The following ARHGAP32 variants were observed in gnomAD, a reference collection of about 807,000 sequenced individuals.
The protein encoded by ARHGAP32 is Rho GTPase activating protein 32, also known as rho GTPase-activating protein 32.
Under a neutral mutation model 186.5 loss-of-function variants are expected in ARHGAP32, and 51 were observed. That is an observed-to-expected ratio of 0.27 (90% CI 0.22 to 0.35). The LOEUF (loss-of-function observed/expected upper bound fraction) is 0.35. ARHGAP32 is among the 10% of genes least tolerant of loss of function. The pLI, the probability that ARHGAP32 is intolerant of heterozygous loss-of-function variation, is 1.00. For missense variants in ARHGAP32, 2,186 were observed against 2,623.5 expected, an observed-to-expected ratio of 0.83 and a Z score of 3.64; for synonymous variants, 950 against 964.3, an observed-to-expected ratio of 0.99 and a Z score of 0.27.
At chr11:129,030,884 G>A (rs886909913) in intron 11 of ARHGAP32, among the ~76,000 whole-genome samples, 9 of 152,296 alleles carry the variant, frequency 5.9e-5, no homozygotes, top group East Asian at 5.8e-4. Context: ...GTGAATACTC[G>A]TGAGATCTGG....
At chr11:129,009,022 A>AT (rs1937936655) in intron 11 of ARHGAP32, among the ~76,000 whole-genome samples, 1 of 152,242 alleles carries the variant, frequency 6.6e-6, no homozygotes, top group Admixed American at 6.5e-5. Flanking sequence ...CTTTAAAATA[A>AT]TTTTGACAAG....
intron 1 of ARHGAP32, among the ~76,000 whole-genome samples, chr11:129,251,264 T>G (rs943388865): frequency 5.3e-5 from 8 of 152,192 alleles, no homozygotes; most frequent in African/African-American, 1.9e-4. Flanking sequence ...TGAAATACGA[T>G]GTGCTCCAAA....
intron 15 of ARHGAP32, among the ~76,000 whole-genome samples, chr11:128,982,299 G>A (rs1201226218): frequency 6.6e-6 from 1 of 152,066 alleles, no homozygotes; most frequent in Non-Finnish European, 1.5e-5. Context: ...TTGAGCAAAG[G>A]ATATGCTTTT....
rs151158915 is a variant in ARHGAP32, at chr11:128,985,815, A to AGT, written c.1526+186_1526+187dup. The AGT allele has an allele frequency of 2.7e-3, 496 of 186,792 alleles. 2 individuals carry two copies. The highest frequency in any genetic ancestry group is 2.8e-3 in the Non-Finnish European group (285 of 100,688). 11.6% of individuals were successfully genotyped at this position (186,792 alleles called of 1,614,324 possible). ...TATACATATAGGTACACATACATAT[A>AGT]GTGTGTGTGTGTGTGCGTGTGTGTG... On this transcript the variant is annotated intron_variant, in intron 15 of 22. Coordinates refer to ENST00000682385, the MANE Select transcript of ARHGAP32 (RefSeq NM_001378024.1).
At chr11:129,255,638 C>T (rs1170256563) in intron 1 of ARHGAP32, among the ~76,000 whole-genome samples, 1 of 151,946 alleles carries the variant, frequency 6.6e-6, no homozygotes, top group African/African-American at 2.4e-5. Flanking sequence ...TGACAAAAAA[C>T]TAGTAGTCAG....
chr11:129,043,123 A>G (rs1360686044), intron 10 of ARHGAP32, among the ~76,000 whole-genome samples: 1 of 152,214 alleles, frequency 6.6e-6, no homozygotes, highest in Admixed American at 6.5e-5. Context: ...GTAACAATGT[A>G]CAAATATCTG....
chr11:129,278,140 C>T (rs1184112812), intron 1 of ARHGAP32, among the ~76,000 whole-genome samples: 1 of 152,198 alleles, frequency 6.6e-6, no homozygotes, highest in African/African-American at 2.4e-5. Flanking sequence ...TATCCCCATT[C>T]AGACTGACTT....
intron 1 of ARHGAP32, among the ~76,000 whole-genome samples, chr11:129,214,762 A>G (rs1054841116): frequency 6.6e-6 from 1 of 152,238 alleles, no homozygotes; most frequent in African/African-American, 2.4e-5. Flanking sequence ...TGACAAGAGC[A>G]CTAGGTACGG....
intron 2 of ARHGAP32, among the ~76,000 whole-genome samples, chr11:129,127,804 CTT>C (rs1942698394): frequency 6.6e-6 from 1 of 151,958 alleles, no homozygotes; most frequent in African/African-American, 2.4e-5. Context: ...ATAATTATCA[CTT>C]AATTATGCTT....
intron 1 of ARHGAP32, among the ~76,000 whole-genome samples, chr11:129,258,400 C>T (rs1011083062): frequency 3.9e-5 from 6 of 152,156 alleles, no homozygotes; most frequent in Non-Finnish European, 7.3e-5. Context: ...GATTCCTTCT[C>T]GTTTCCTTTA....
At chr11:128,999,597 G>A (rs771498997) in intron 11 of ARHGAP32, among the ~76,000 whole-genome samples, 6 of 152,062 alleles carry the variant, frequency 3.9e-5, no homozygotes, top group Non-Finnish European at 7.4e-5. Context: ...GGAGCATCAC[G>A]GAACCTGCCG....
chr11:128,969,388 GCATATTTTACTC>G lies in ARHGAP32; in HGVS notation c.5813_5824del (p.Gly1938_Tyr1941del). On this transcript the variant is annotated inframe_deletion, in exon 23 of 23. Transcript: ENST00000682385. This position sits in a 1 kb window ranked among gnomAD's most constrained non-coding sequence, Gnocchi z 4.8. ...TCTTAAAGATTCTTGCCCGGATGCA[GCATATTTTACTC>G]CAGAGTTGTGGTAGCTGACTGGCTC... is the stretch of plus-strand genomic sequence containing the variant. The G allele has an allele frequency of 3.1e-6, 5 of 1,614,234 alleles. No individual in the cohort carries two copies. Among genetic ancestry groups the G allele is most frequent in the Non-Finnish European group, 4.2e-6 (5 of 1,180,048 alleles).
chr11:129,164,674 T>C (rs1943596823), intron 1 of ARHGAP32, among the ~76,000 whole-genome samples: 1 of 152,206 alleles, frequency 6.6e-6, no homozygotes, highest in Non-Finnish European at 1.5e-5. Flanking sequence ...TTATGGTCCA[T>C]GGTTATTATA....
chr11:129,108,594 G>C (rs1315498556), intron 5 of ARHGAP32, among the ~76,000 whole-genome samples: 1 of 152,082 alleles, frequency 6.6e-6, no homozygotes, highest in Non-Finnish European at 1.5e-5. Context: ...TATGTTTGTT[G>C]ATCACCTCTC....
At chr11:129,013,304 C>T (rs750165781) in intron 11 of ARHGAP32, among the ~76,000 whole-genome samples, 4 of 152,174 alleles carry the variant, frequency 2.6e-5, no homozygotes, top group Non-Finnish European at 4.4e-5. Context: ...CACCTTTCCA[C>T]AAAACATTGC....
chr11:129,252,311 A>T (rs369875615), intron 1 of ARHGAP32, among the ~76,000 whole-genome samples: 1 of 152,232 alleles, frequency 6.6e-6, no homozygotes, highest in South Asian at 2.1e-4. Flanking sequence ...AAGAACGGTT[A>T]GCTAATTAAT....
At chr11:128,973,479 G>A (rs376304870) in intron 21 of ARHGAP32, 47 bp from the exon 22 acceptor site, 141 of 1,593,126 alleles carry the variant, frequency 8.9e-5, no homozygotes, top group African/African-American at 8.7e-4. Context: ...GGTAGCTTAC[G>A]TTATCCTAAA....
chr11:129,277,759 G>A (rs902232744), intron 1 of ARHGAP32, among the ~76,000 whole-genome samples: 1 of 152,270 alleles, frequency 6.6e-6, no homozygotes, highest in South Asian at 2.1e-4. Context: ...TCCTGAAAAT[G>A]GAAATCACAA....
chr11:129,259,784 T>A (rs1945298564), intron 1 of ARHGAP32, among the ~76,000 whole-genome samples: 1 of 152,224 alleles, frequency 6.6e-6, no homozygotes. Context: ...ACTATCACTT[T>A]GGGATATGAA....
Sources: allele counts gnomAD v4.1 joint callset (sites outside exome capture counted in the v4.1 genomes callset), GRCh38; gene constraint gnomAD v4.1.1; non-coding constraint Gnocchi (gnomAD v3.1); transcripts MANE v1.5; gene names NCBI Gene and HGNC (gene_info 2026-07-23, HGNC 2026-07-21).